Variants in MSRB3 observed in about 807,000 individuals in gnomAD.
MSRB3 encodes the protein methionine sulfoxide reductase B3, also known as methionine-R-sulfoxide reductase B3.
A neutral mutation model predicts 21.0 loss-of-function variants in MSRB3; 13 were observed. That is an observed-to-expected ratio of 0.62 (90% CI 0.40 to 0.98). MSRB3 has a LOEUF of 0.98. Among genes scored for constraint, MSRB3 ranks in the 50% least tolerant of loss-of-function variants. The pLI, the probability that MSRB3 is intolerant of heterozygous loss-of-function variation, is 0.00. For missense variants in MSRB3, 199 were observed against 230.3 expected (o/e 0.86, Z 0.88); for synonymous variants, 87 against 88.6 (o/e 0.98, Z 0.10).
chr12:65,433,740 T>G (rs1881990950), intron 5 of MSRB3, among the ~76,000 whole-genome samples: 1 of 151,978 alleles, frequency 6.6e-6, no homozygotes, highest in Non-Finnish European at 1.5e-5. Flanking sequence ...GGGAAATCTT[T>G]AAGTCTCTAC....
At chr12:65,411,479 G>A (rs1880713192) in intron 5 of MSRB3, among the ~76,000 whole-genome samples, 2 of 152,180 alleles carry the variant, frequency 1.3e-5, no homozygotes, top group African/African-American at 4.8e-5. Context: ...CAAGTAGAAA[G>A]GAATGTAAAA....
intron 4 of MSRB3, among the ~76,000 whole-genome samples, chr12:65,358,547 AT>A (rs533138762): frequency 2.0e-5 from 3 of 151,066 alleles, no homozygotes; most frequent in South Asian, 2.1e-4. Flanking sequence ...TGTGGGGTGT[AT>A]TTTTTTTGTT....
intron 2 of MSRB3, among the ~76,000 whole-genome samples, chr12:65,309,182 T>C (rs944398586): frequency 3.7e-4 from 57 of 152,202 alleles, no homozygotes; most frequent in African/African-American, 1.4e-3. Context: ...CATGCATCAG[T>C]GGGTTCTTAA....
chr12:65,305,283 C>T (rs957114204), intron 1 of MSRB3: 6 of 152,044 alleles, frequency 3.9e-5, no homozygotes, highest in African/African-American at 1.2e-4. Context: ...TCTGGAACTC[C>T]TGACCTCAAG....
At chr12:65,315,252 C>A (rs1434299921) in intron 2 of MSRB3, among the ~76,000 whole-genome samples, 2 of 152,128 alleles carry the variant, frequency 1.3e-5, no homozygotes, top group Non-Finnish European at 2.9e-5. Context: ...CATTTGAAAT[C>A]AACGATTTAC....
At chr12:65,443,413 A>G (rs1882473842) in intron 5 of MSRB3, among the ~76,000 whole-genome samples, 1 of 152,316 alleles carries the variant, frequency 6.6e-6, no homozygotes, top group South Asian at 2.1e-4. Flanking sequence ...AAAAGTAAAC[A>G]TGATAAATTT....
chr12:65,402,773 C>T (rs1345486447), intron 5 of MSRB3, among the ~76,000 whole-genome samples: 1 of 152,092 alleles, frequency 6.6e-6, no homozygotes, highest in Non-Finnish European at 1.5e-5. Flanking sequence ...ATGTTGGTGA[C>T]CTTTGGATGG....
intron 5 of MSRB3, among the ~76,000 whole-genome samples, chr12:65,414,061 AAGGT>A (rs1880850804): frequency 6.6e-6 from 1 of 152,118 alleles, no homozygotes; most frequent in Non-Finnish European, 1.5e-5. Context: ...AGAGGAAATG[AAGGT>A]CAGGTCCTGT....
chr12:65,313,131 C>T (rs1210474878), intron 2 of MSRB3, among the ~76,000 whole-genome samples: 2 of 152,010 alleles, frequency 1.3e-5, no homozygotes, highest in Non-Finnish European at 2.9e-5. Context: ...CTGTTTGAGG[C>T]GGTGAATAAG....
intron 1 of MSRB3, chr12:65,279,085 T>TC: frequency 2.9e-6 from 4 of 1,389,052 alleles, no homozygotes; most frequent in Non-Finnish European, 3.7e-6. Flanking sequence ...AGGGCTGGTT[T>TC]CCCCCCACCC....
At chr12:65,327,914 C>G (rs1283986017) in intron 3 of MSRB3, among the ~76,000 whole-genome samples, 1 of 152,128 alleles carries the variant, frequency 6.6e-6, no homozygotes, top group Non-Finnish European at 1.5e-5. Flanking sequence ...ACACAAACAA[C>G]CAGAGATTAG....
intron 4 of MSRB3, among the ~76,000 whole-genome samples, chr12:65,346,492 G>A (rs1223341707): frequency 6.6e-6 from 1 of 152,060 alleles, no homozygotes; most frequent in Admixed American, 6.6e-5. Flanking sequence ...TTAGCCCTTT[G>A]TCAGATGAGT....
chr12:65,320,499 G>A (rs1342880925), intron 2 of MSRB3, among the ~76,000 whole-genome samples: 1 of 152,090 alleles, frequency 6.6e-6, no homozygotes, highest in Non-Finnish European at 1.5e-5. Flanking sequence ...TTGGCCAAAG[G>A]GTTTTTTGTT....
Position 65,450,189 on chromosome 12 carries a change from C to T in MSRB3, c.293-3539C>T, listed in dbSNP as rs898617290. ...ACGCTACAACAACTAATCTGGATCA[C>T]TTTCTCTTATATTTGAGATGAAAAT... On this transcript the variant is annotated intron_variant, in intron 5 of 6. Transcript: ENST00000308259. 3.9e-5 allele frequency among the ~76,000 whole-genome samples: 6 copies of T among 152,212 alleles called. No individual in the cohort carries two copies. The South Asian group carries it at 6.2e-4, about 16-fold the overall frequency.
intron 4 of MSRB3, among the ~76,000 whole-genome samples, chr12:65,353,438 G>C (rs1039296038): frequency 6.6e-6 from 1 of 152,184 alleles, no homozygotes; most frequent in African/African-American, 2.4e-5. Context: ...ATTTAGGATA[G>C]TTAGCTCTTC....
chr12:65,384,684 A>G (rs1040669067), intron 5 of MSRB3, among the ~76,000 whole-genome samples: 1 of 152,180 alleles, frequency 6.6e-6, no homozygotes, highest in South Asian at 2.1e-4. Context: ...CAAAAATAGC[A>G]TAAATGTAAA....
At chr12:65,322,043 G>A (rs551680617) in intron 2 of MSRB3, among the ~76,000 whole-genome samples, 16 of 152,056 alleles carry the variant, frequency 1.1e-4, no homozygotes, top group Non-Finnish European at 1.8e-4. Context: ...TTTTCACACC[G>A]AAATATAAAA....
intron 5 of MSRB3, among the ~76,000 whole-genome samples, chr12:65,420,939 A>G (rs1440126750): frequency 3.9e-5 from 6 of 152,156 alleles, no homozygotes; most frequent in African/African-American, 1.2e-4. Flanking sequence ...ATTAGTGTGC[A>G]TGTGTCTTTA....
intron 5 of MSRB3, among the ~76,000 whole-genome samples, chr12:65,380,421 C>T (rs763214313): frequency 6.6e-6 from 1 of 151,952 alleles, no homozygotes; most frequent in Non-Finnish European, 1.5e-5. Flanking sequence ...ACTAAAAATG[C>T]AAAAATTAAC....
Sources: gnomAD v4.1 joint callset for allele counts (sites outside exome capture counted in the v4.1 genomes callset) on GRCh38, gnomAD v4.1.1 for gene constraint, MANE v1.5 for transcripts, NCBI Gene and HGNC (gene_info 2026-07-23, HGNC 2026-07-21) for gene names.